The following ZNF775 variants were observed in gnomAD, a reference collection of about 807,000 sequenced individuals.
ZNF775 encodes the protein zinc finger protein 775.
A neutral mutation model predicts 2.4 loss-of-function variants in ZNF775; 1 was observed. The ratio of observed to expected loss-of-function variants is 0.41; its 90% CI spans 0.15 to 1.94. The LOEUF is 1.94. Ranked by LOEUF, ZNF775 falls within the 30% of genes most tolerant of loss-of-function variation. ZNF775 has a pLI of 0.30. For missense variants in ZNF775, 823 were observed against 826.6 expected (o/e 1.00, Z 0.05); for synonymous variants, 381 against 373.3 (o/e 1.02, Z -0.24).
chr7:150,397,459 G>A lies in ZNF775; in HGVS notation c.978G>A (p.Arg326=). Reference sequence around the variant, plus strand: ...TCAGCCAGAAGCCCAACTTGACGCGGCACCTGCGCAACCACACAGGCGAGC... The same window carrying A: ...TCAGCCAGAAGCCCAACTTGACGCGACACCTGCGCAACCACACAGGCGAGC... The part of the protein sequence containing the change: ...RRFSQKPNLT[R]HLRNHTGERP... The change falls in exon 3 of 3, where the codon CGG becomes CGA. Residue 326 remains arginine, a synonymous_variant. Coordinates refer to ENST00000329630, the MANE Select transcript of ZNF775 (RefSeq NM_173680.4). 1 of 1,592,658 alleles carries A rather than the reference G, an allele frequency of 6.3e-7. No homozygotes were observed. The highest frequency in any genetic ancestry group is 8.5e-7 in the Non-Finnish European group (1 of 1,174,436).
At position 150,398,192 on chromosome 7, in the gene ZNF775, C is replaced by T. The variant is rs903994300; in HGVS notation, c.*97C>T. On this transcript the variant is annotated 3_prime_UTR_variant, in exon 3 of 3. Transcript: ENST00000329630. ...CCAGGATTGCTGGCTCTTAGAACCC[C>T]TTAGAGCGGGACCGGTGGATTCCTT... 6.7e-7 allele frequency: 1 copy of T among 1,491,050 alleles called. No individual in the cohort carries two copies. The highest frequency in any genetic ancestry group is 8.9e-7 in the Non-Finnish European group (1 of 1,122,318). The allele number at this position is 1,491,050 out of a possible 1,614,324, so 92.4% of individuals were successfully genotyped here.
chr7:150,389,066 T>C (rs569751238), intron 2 of ZNF775, among the ~76,000 whole-genome samples: 1 of 152,222 alleles, frequency 6.6e-6, no homozygotes, highest in Non-Finnish European at 1.5e-5. Flanking sequence ...GCGCCTGGAG[T>C]GGAGCAGCCC....
chr7:150,382,830 T>C lies in ZNF775; in HGVS notation c.-50+3438T>C, dbSNP rs1363767024. 6.6e-6 allele frequency: 1 copy of C among 152,382 alleles called. No homozygotes were observed. The highest frequency in any genetic ancestry group is 1.9e-4 in the East Asian group (1 of 5,210). 9.4% of individuals were successfully genotyped at this position (152,382 alleles called of 1,614,324 possible). On this transcript the variant is annotated intron_variant, in intron 1 of 2. Coordinates refer to ENST00000329630, the MANE Select transcript of ZNF775 (RefSeq NM_173680.4). This position sits in a 1 kb window ranked among gnomAD's most constrained non-coding sequence, Gnocchi z 4.6. The stretch of plus-strand genomic sequence containing the variant: ...GCCTCCTGGCTCGATGAGGGTATGT[T>C]GCTTCTGTTTCTACCTCTCTGAGTT...
chr7:150,395,587 C>T lies in ZNF775; in HGVS notation c.32-926C>T, dbSNP rs572133941. 2.0e-5 allele frequency among the ~76,000 whole-genome samples: 3 copies of T among 152,352 alleles called. No homozygotes were observed. In the East Asian group the frequency reaches 5.8e-4, roughly 29 times the overall value. On this transcript the variant is annotated intron_variant, in intron 2 of 2. Transcript: ENST00000329630. ...CCTCTGTAATAGGGCATTATCCTGACTTCTAACTCGTGGGTTCATTTTGCC... is the reference window on the plus strand; with the variant it reads ...CCTCTGTAATAGGGCATTATCCTGATTTCTAACTCGTGGGTTCATTTTGCC...
intron 1 of ZNF775, among the ~76,000 whole-genome samples, chr7:150,380,443 G>A (rs1397803620): frequency 6.6e-6 from 1 of 152,152 alleles, no homozygotes; most frequent in African/African-American, 2.4e-5. Flanking sequence ...ATGGTCCTAG[G>A]TGCACAGGTT....
intron 1 of ZNF775, among the ~76,000 whole-genome samples, chr7:150,386,275 C>T (rs1184851492): frequency 1.3e-5 from 2 of 152,090 alleles, no homozygotes; most frequent in Non-Finnish European, 1.5e-5. Context: ...ACTTGAGGAG[C>T]ATTTACTGCA....
At chr7:150,389,892 TGTGTGTGTGTGTGTGTGTGTGTG>T (rs1369410122) in intron 2 of ZNF775, among the ~76,000 whole-genome samples, 879 of 27,146 alleles carry the variant, frequency 0.032, 28 homozygotes, top group African/African-American at 0.094. Flanking sequence ...TGTGTGTGTG[TGTGTGTGTGTGTGTGTGTGTGTG>T]TGTGTTATGG....
In ZNF775 at chr7:150,397,309, C is replaced by A. The variant is rs756506161; in HGVS notation, c.828C>A (p.Gly276=). The change falls in exon 3 of 3, where the codon GGC becomes GGA. Residue 276 remains glycine, a synonymous_variant. Coordinates refer to ENST00000329630, the MANE Select transcript of ZNF775 (RefSeq NM_173680.4). ...CGGTCTCCGGCCCCGAGGGGCCGGG[C>A]GAGCCGCGCCAGTTCATCTGCAACG... The part of the protein sequence containing the change: ...RAAVSGPEGP[G]EPRQFICNEC... 1.3e-6 allele frequency: 2 copies of A among 1,575,160 alleles called. 1 individual carries two copies. Among genetic ancestry groups the A allele is most frequent in the Non-Finnish European group, 1.7e-6 (2 of 1,165,930 alleles).
chr7:150,385,671 C>T (rs1800439899), intron 1 of ZNF775, among the ~76,000 whole-genome samples: 1 of 152,208 alleles, frequency 6.6e-6, no homozygotes, highest in Non-Finnish European at 1.5e-5. Flanking sequence ...GAGGACTGGA[C>T]ATTACCATTT....
In ZNF775 at chr7:150,396,933, C is replaced by T. The variant is rs1432180002; in HGVS notation, c.452C>T (p.Ala151Val). Residue 151 changes from alanine (A) to valine (V), a missense_variant, in exon 3 of 3, where the codon GCG (alanine) becomes GTG (valine). By Grantham distance (64) the Ala-to-Val change is moderately conservative. Coordinates refer to ENST00000329630, the MANE Select transcript of ZNF775 (RefSeq NM_173680.4). Reference protein sequence around the residue: ...GKSFSQKPNLARHQRHHTGER... With the variant: ...GKSFSQKPNLVRHQRHHTGER... Reference sequence around the variant, plus strand: ...AGCTTCAGCCAGAAGCCGAACCTGGCGCGCCACCAGCGGCACCACACGGGC... The same window carrying T: ...AGCTTCAGCCAGAAGCCGAACCTGGTGCGCCACCAGCGGCACCACACGGGC... The T allele has an allele frequency of 1.9e-6, 3 of 1,601,394 alleles. No individual in the cohort carries two copies. Among genetic ancestry groups the T allele is most frequent in the Middle Eastern group, 1.7e-4 (1 of 6,058 alleles).
intron 1 of ZNF775, among the ~76,000 whole-genome samples, chr7:150,385,931 G>C (rs1481982159): frequency 6.6e-6 from 1 of 151,320 alleles, no homozygotes; most frequent in East Asian, 2.0e-4. Context: ...GGGAAAGACA[G>C]TCCTGGGTTG....
At chr7:150,394,650 T>C (rs1256583987) in intron 2 of ZNF775, among the ~76,000 whole-genome samples, 1 of 137,456 alleles carries the variant, frequency 7.3e-6, no homozygotes, top group African/African-American at 2.9e-5. Context: ...TCTCTCTCTC[T>C]CCCTCCCTCC....
intron 1 of ZNF775, among the ~76,000 whole-genome samples, chr7:150,385,337 CT>C (rs1800430701): frequency 6.6e-6 from 1 of 152,360 alleles, no homozygotes; most frequent in Admixed American, 6.5e-5. Flanking sequence ...AGAAAAACAG[CT>C]TTTAAAAGAT....
intron 2 of ZNF775, among the ~76,000 whole-genome samples, chr7:150,390,760 A>G (rs1450611469): frequency 6.6e-6 from 1 of 152,194 alleles, no homozygotes; most frequent in African/African-American, 2.4e-5. Flanking sequence ...ATTCCTGGAC[A>G]TTCCTCTTTA....
chr7:150,398,146 G>T lies in ZNF775; in HGVS notation c.*51G>T. The T allele has an allele frequency of 6.5e-7, 1 of 1,527,624 alleles. No homozygotes were observed. Among genetic ancestry groups the T allele is most frequent in the Non-Finnish European group, 8.7e-7 (1 of 1,143,144 alleles). 94.6% of individuals were successfully genotyped at this position (1,527,624 alleles called of 1,614,324 possible). On this transcript the variant is annotated 3_prime_UTR_variant, in exon 3 of 3. Coordinates refer to ENST00000329630, the MANE Select transcript of ZNF775 (RefSeq NM_173680.4). ...GTGGTGCGGGGGATGTTTGCGGGGTGTGTGTGGGGAGTGGGGGTGGCCAGG... is the reference window on the plus strand; with the variant it reads ...GTGGTGCGGGGGATGTTTGCGGGGTTTGTGTGGGGAGTGGGGGTGGCCAGG...
In ZNF775 at chr7:150,382,388, C is replaced by A. The variant is rs895076224; in HGVS notation, c.-50+2996C>A. Among the ~76,000 whole-genome samples the A allele has an allele frequency of 7.9e-5, 12 of 152,102 alleles. No homozygotes were observed. Among genetic ancestry groups the A allele is most frequent in the African/African-American group, 2.9e-4 (12 of 41,420 alleles). On this transcript the variant is annotated intron_variant, in intron 1 of 2. Transcript: ENST00000329630. This position sits in a 1 kb window ranked among gnomAD's most constrained non-coding sequence, Gnocchi z 4.6. ...CGCCTTCAAGAACCTGAGCTCAAAGCGCTGCAATGACTGGCCAGGGACTAG... is the reference window on the plus strand; with the variant it reads ...CGCCTTCAAGAACCTGAGCTCAAAGAGCTGCAATGACTGGCCAGGGACTAG...
rs1203086107 is a variant in ZNF775 at position 150,397,457 on chromosome 7, C to T, written c.976C>T (p.Arg326Trp). The change falls in exon 3 of 3, where the codon CGG (arginine) becomes TGG (tryptophan). Residue 326 changes from arginine to tryptophan, a missense_variant. Physicochemically the swap from Arg to Trp is moderately radical, Grantham distance 101 (BLOSUM62 -3). Transcript: ENST00000329630. ...RRFSQKPNLT[R>W]HLRNHTGERP... ...CTTCAGCCAGAAGCCCAACTTGACG[C>T]GGCACCTGCGCAACCACACAGGCGA... is the stretch of plus-strand genomic sequence containing the variant. 6 of 1,592,358 alleles carry T rather than the reference C, an allele frequency of 3.8e-6. No individual in the cohort carries two copies. Among genetic ancestry groups the T allele is most frequent in the Admixed American group, 1.7e-5 (1 of 59,404 alleles).
intron 2 of ZNF775, among the ~76,000 whole-genome samples, chr7:150,390,186 G>A (rs1800538339): frequency 6.6e-6 from 1 of 152,100 alleles, no homozygotes; most frequent in Admixed American, 6.5e-5. Flanking sequence ...GCAGGCCAGT[G>A]GCCTGCGCTC....
At position 150,398,209 on chromosome 7, in the gene ZNF775, G is replaced by A; in HGVS notation, c.*114G>A. 1 of 1,450,484 alleles carries A rather than the reference G, an allele frequency of 6.9e-7. No individual in the cohort carries two copies. Among genetic ancestry groups the A allele is most frequent in the Non-Finnish European group, 9.1e-7 (1 of 1,096,064 alleles). 89.9% of individuals were successfully genotyped at this position (1,450,484 alleles called of 1,614,324 possible). A position where few individuals can be genotyped will look rare whatever the true frequency, so the allele number is the denominator to read the frequency against. The stretch of plus-strand genomic sequence containing the variant: ...TAGAACCCCTTAGAGCGGGACCGGT[G>A]GATTCCTTAAGGCTCTGAAGGGCTG... On this transcript the variant is annotated 3_prime_UTR_variant, in exon 3 of 3. Transcript: ENST00000329630.
Sources: allele counts gnomAD v4.1 joint callset (sites outside exome capture counted in the v4.1 genomes callset), GRCh38; gene constraint gnomAD v4.1.1; non-coding constraint Gnocchi (gnomAD v3.1); transcripts MANE v1.5; gene names NCBI Gene and HGNC (gene_info 2026-07-23, HGNC 2026-07-21).